PPP1R12A: variants seen among roughly 807,000 people sequenced by gnomAD.
The protein encoded by PPP1R12A is protein phosphatase 1 regulatory subunit 12A, also known as myosin binding subunit.
PPP1R12A carries 19 observed loss-of-function variants against 139.6 expected under a neutral mutation model. That is an observed-to-expected ratio of 0.14 (90% CI 0.09 to 0.20). PPP1R12A has a LOEUF of 0.20. Ranked by LOEUF, PPP1R12A falls within the 10% of genes least tolerant of loss-of-function variation. The pLI is 1.00. For synonymous variants in PPP1R12A, 427 were observed against 420.6 expected, an observed-to-expected ratio of 1.02 and a Z score of -0.19; for missense variants, 925 against 1,211.5, an observed-to-expected ratio of 0.76 and a Z score of 3.51.
At chr12:79,932,250 A>C (rs1888307176) in intron 1 of PPP1R12A, among the ~76,000 whole-genome samples, 1 of 152,216 alleles carries the variant, frequency 6.6e-6, no homozygotes, top group Admixed American at 6.5e-5. Flanking sequence ...AGCTAAGTTC[A>C]AGAGATTTCT....
At chr12:79,872,964 T>G (rs1244412826) in intron 1 of PPP1R12A, 26 bp from the exon 2 acceptor site, 3 of 1,600,796 alleles carry the variant, frequency 1.9e-6, no homozygotes, top group Middle Eastern at 1.7e-4. Flanking sequence ...AAAGCAAGAT[T>G]GGAAAAAATA....
At chr12:79,904,151 G>T (rs374319310) in intron 1 of PPP1R12A, among the ~76,000 whole-genome samples, 1 of 151,736 alleles carries the variant, frequency 6.6e-6, no homozygotes, top group African/African-American at 2.4e-5. Flanking sequence ...GGAGGTGGAG[G>T]TTGTGGTGAG....
In PPP1R12A at chr12:79,849,557, TATTA is replaced by T. The variant is rs1430436613; in HGVS notation, c.369-4141_369-4138del. ...GGGTATTAGAAGCTACTTGTGTGGC[TATTA>T]ATTAGGAAAAATATGCCATAGTTAT... On this transcript the variant is annotated intron_variant, in intron 2 of 24. Coordinates refer to ENST00000450142, the MANE Select transcript of PPP1R12A (RefSeq NM_002480.3). Among the ~76,000 whole-genome samples, 3 of 152,304 alleles carry T rather than the reference TATTA, an allele frequency of 2.0e-5. No individual in the cohort carries two copies. In the East Asian group the frequency reaches 5.8e-4, roughly 29 times the overall value.
chr12:79,891,505 T>C (rs1410545452), intron 1 of PPP1R12A, among the ~76,000 whole-genome samples: 1 of 152,208 alleles, frequency 6.6e-6, no homozygotes, highest in Non-Finnish European at 1.5e-5. Flanking sequence ...AACTGCTAAG[T>C]ACATGGCAAT....
At chr12:79,847,096 G>T (rs1302097486) in intron 2 of PPP1R12A, among the ~76,000 whole-genome samples, 1 of 152,010 alleles carries the variant, frequency 6.6e-6, no homozygotes, top group Non-Finnish European at 1.5e-5. Context: ...CTACTATTAT[G>T]TTCCCTCCCC....
chr12:79,797,344 G>C lies in PPP1R12A; in HGVS notation c.2143C>G (p.Arg715Gly). Residue 715 changes from arginine (R) to glycine (G), a missense_variant, in exon 16 of 25, where the codon CGT becomes GGT. Transcript: ENST00000450142. ...QEAEKTIGRS[R>G]STRTREQENE... ...TCTTGTTCTCTGGTTCGGGTAGAAC[G>C]ACTTCTTCCTATTGTTTTCTCAGCT... 1 of 1,602,448 alleles carries C rather than the reference G, an allele frequency of 6.2e-7. No homozygotes were observed. Among genetic ancestry groups the C allele is most frequent in the Non-Finnish European group, 8.5e-7 (1 of 1,174,444 alleles).
chr12:79,826,190 G>C (rs919283459), intron 5 of PPP1R12A, among the ~76,000 whole-genome samples: 2 of 151,954 alleles, frequency 1.3e-5, no homozygotes, highest in Non-Finnish European at 1.5e-5. Context: ...AGGGTTTTAG[G>C]AAAATATACT....
In PPP1R12A at chr12:79,882,411, T is replaced by C. The variant is rs557622126; in HGVS notation, c.238-9473A>G. ...TCAGTGAAGGAAGTAACTGCAGATG[T>C]GGTATAAACGGCAAGAGAACAAGAA... On this transcript the variant is annotated intron_variant, in intron 1 of 24. Coordinates refer to ENST00000450142, the MANE Select transcript of PPP1R12A (RefSeq NM_002480.3). Among the ~76,000 whole-genome samples the C allele has an allele frequency of 1.1e-4, 17 of 152,238 alleles. 1 individual carries two copies. In the South Asian group the frequency reaches 3.3e-3, roughly 30 times the overall value.
At chr12:79,892,534 G>GAAATAT (rs1214775243) in intron 1 of PPP1R12A, among the ~76,000 whole-genome samples, 1 of 152,014 alleles carries the variant, frequency 6.6e-6, no homozygotes, top group Admixed American at 6.6e-5. Flanking sequence ...TGCATTGAGG[G>GAAATAT]AAATATAAAT....
chr12:79,932,401 A>G (rs916863536), intron 1 of PPP1R12A, among the ~76,000 whole-genome samples: 1 of 152,226 alleles, frequency 6.6e-6, no homozygotes, highest in Non-Finnish European at 1.5e-5. Flanking sequence ...GTTGATAAAT[A>G]AGAAATGAGA....
chr12:79,871,340 T>C (rs1882545207), intron 2 of PPP1R12A, among the ~76,000 whole-genome samples: 1 of 152,192 alleles, frequency 6.6e-6, no homozygotes, highest in Non-Finnish European at 1.5e-5. Context: ...ACAATTAATA[T>C]TGTCTTTTCA....
chr12:79,802,300 T>C (rs1873284115), intron 14 of PPP1R12A, among the ~76,000 whole-genome samples: 1 of 152,172 alleles, frequency 6.6e-6, no homozygotes, highest in Non-Finnish European at 1.5e-5. Context: ...GCATATTCAG[T>C]AAATATAGAA....
At chr12:79,931,231 TCA>T (rs1439486515) in intron 1 of PPP1R12A, among the ~76,000 whole-genome samples, 1 of 152,162 alleles carries the variant, frequency 6.6e-6, no homozygotes, top group Non-Finnish European at 1.5e-5. Flanking sequence ...TTTGAAGAAA[TCA>T]CAAAGGTTAA....
chr12:79,900,081 C>T (rs1449685186), intron 1 of PPP1R12A, among the ~76,000 whole-genome samples: 5 of 152,178 alleles, frequency 3.3e-5, no homozygotes. Context: ...CAGCAGAATG[C>T]TTTGCACCTG....
At chr12:79,932,129 C>G (rs1033601538) in intron 1 of PPP1R12A, among the ~76,000 whole-genome samples, 3 of 152,046 alleles carry the variant, frequency 2.0e-5, no homozygotes, top group Non-Finnish European at 4.4e-5. Flanking sequence ...CAATTAACCC[C>G]GTTATACATT....
At chr12:79,868,953 A>G (rs889443278) in intron 2 of PPP1R12A, among the ~76,000 whole-genome samples, 4 of 152,242 alleles carry the variant, frequency 2.6e-5, no homozygotes, top group Non-Finnish European at 5.9e-5. Context: ...AAGTAGTAAC[A>G]TTCTTAAGAA....
chr12:79,927,505 T>C (rs1592847842), intron 1 of PPP1R12A, among the ~76,000 whole-genome samples: 1 of 152,320 alleles, frequency 6.6e-6, no homozygotes, highest in South Asian at 2.1e-4. Flanking sequence ...AAAAATTATA[T>C]GTGTGTTTCA....
chr12:79,865,350 A>G (rs1013388693), intron 2 of PPP1R12A, among the ~76,000 whole-genome samples: 13 of 152,188 alleles, frequency 8.5e-5, no homozygotes, highest in Admixed American at 7.2e-4. Context: ...TGACAAACCC[A>G]CAGCCAATAT....
At chr12:79,780,816 A>G (rs1870352536) in intron 23 of PPP1R12A, 1 of 152,174 alleles carries the variant, frequency 6.6e-6, no homozygotes, top group Admixed American at 6.5e-5. Flanking sequence ...TCAGAACACT[A>G]ATTTTTAAAA....
Sources: allele counts gnomAD v4.1 joint callset (sites outside exome capture counted in the v4.1 genomes callset), GRCh38; gene constraint gnomAD v4.1.1; transcripts MANE v1.5; gene names NCBI Gene and HGNC (gene_info 2026-07-23, HGNC 2026-07-21).